Variants in CPLX2 observed in about 807,000 individuals in gnomAD.
CPLX2 encodes complexin-2.
CPLX2 carries 5 observed loss-of-function variants against 16.3 expected under a neutral mutation model. The observed-to-expected ratio is 0.31, with a 90% CI of 0.16 to 0.64. CPLX2 has a LOEUF of 0.64. Among genes scored for constraint, CPLX2 ranks in the 30% least tolerant of loss-of-function variants. The probability of loss-of-function intolerance (pLI) is 0.79; values close to 1 mark genes in which losing one functional copy is unlikely to be tolerated. For missense variants in CPLX2, 144 were observed against 181.4 expected, an observed-to-expected ratio of 0.79 and a Z score of 1.18; for synonymous variants, 89 against 73.2, an observed-to-expected ratio of 1.22 and a Z score of -1.10.
intron 1 of CPLX2, among the ~76,000 whole-genome samples, chr5:175,797,082 C>G (rs1338673701): frequency 6.6e-6 from 1 of 152,180 alleles, no homozygotes; most frequent in African/African-American, 2.4e-5. Context: ...CCTCCGCACC[C>G]TCCGCCCTGG....
chr5:175,796,922 G>C (rs951226144), intron 1 of CPLX2: 11 of 152,252 alleles, frequency 7.2e-5, no homozygotes, highest in African/African-American at 2.7e-4. Flanking sequence ...CCCCTCCCTG[G>C]AGCTCTCAGC....
chr5:175,857,542 C>T (rs554514558), intron 2 of CPLX2, among the ~76,000 whole-genome samples: 55 of 152,194 alleles, frequency 3.6e-4, no homozygotes, highest in Non-Finnish European at 2.9e-5. Flanking sequence ...CAGACACTTA[C>T]GTTAGCCCAG....
rs1755678757 is a variant in CPLX2, at chr5:175,883,572, CCCTGCTGTCCA to C, written c.*3534_*3544del. On this transcript the variant is annotated 3_prime_UTR_variant, in exon 4 of 4. Coordinates refer to ENST00000393745, the MANE Select transcript of CPLX2 (RefSeq NM_001008220.2). ...GTACCCAGCTGGCAGGGTTGCCCAC[CCCTGCTGTCCA>C]CCTGCTCCATCCTCTAGGGTTCCAC... 6.6e-6 allele frequency: 1 copy of C among 152,368 alleles called. No individual in the cohort carries two copies. The highest frequency in any genetic ancestry group is 1.5e-5 in the Non-Finnish European group (1 of 68,186). The allele number at this position is 152,368 out of a possible 1,614,324, so 9.4% of individuals were successfully genotyped here.
chr5:175,827,933 C>G (rs1261216172), intron 2 of CPLX2, among the ~76,000 whole-genome samples: 1 of 152,178 alleles, frequency 6.6e-6, no homozygotes, highest in Non-Finnish European at 1.5e-5. Context: ...GACTCTGCCC[C>G]CAAGGAGTTT....
At chr5:175,802,393 G>C (rs1026819051) in intron 1 of CPLX2, among the ~76,000 whole-genome samples, 1 of 152,214 alleles carries the variant, frequency 6.6e-6, no homozygotes, top group Non-Finnish European at 1.5e-5. Flanking sequence ...GTGCCTGGCA[G>C]ATGAAAACTG....
intron 1 of CPLX2, among the ~76,000 whole-genome samples, chr5:175,800,526 T>G (rs1229598119): frequency 6.6e-6 from 1 of 151,788 alleles, no homozygotes; most frequent in African/African-American, 2.4e-5. Flanking sequence ...GGAGTGTGAT[T>G]GCAGTCCAGA....
chr5:175,835,902 C>T (rs1758823730), intron 2 of CPLX2, among the ~76,000 whole-genome samples: 1 of 151,726 alleles, frequency 6.6e-6, no homozygotes, highest in South Asian at 2.1e-4. Context: ...TCACGCCTAG[C>T]TAAGTTTCAT....
intron 2 of CPLX2, among the ~76,000 whole-genome samples, chr5:175,865,444 C>T (rs1209115884): frequency 6.6e-6 from 1 of 152,104 alleles, no homozygotes; most frequent in Non-Finnish European, 1.5e-5. Flanking sequence ...TAGAGGCAGT[C>T]GTTCAAGGGA....
In CPLX2 at chr5:175,830,597, T is replaced by G. The variant is rs1758717652; in HGVS notation, c.-89+21529T>G. 2.0e-5 allele frequency among the ~76,000 whole-genome samples: 3 copies of G among 152,346 alleles called. No homozygotes were observed. In the South Asian group the frequency reaches 6.2e-4, roughly 32 times the overall value. On this transcript the variant is annotated intron_variant, in intron 2 of 4. Transcript: ENST00000359546. The surrounding 1 kb of genome is among the most constrained non-coding windows in gnomAD (Gnocchi z 4.0). The stretch of plus-strand genomic sequence containing the variant: ...CACTAACAAGGACTCTGGTGGTCTC[T>G]TCGAGGGACCCTCATACATAGCTCT...
intron 2 of CPLX2, among the ~76,000 whole-genome samples, chr5:175,860,646 C>G (rs1433852744): frequency 5.0e-5 from 5 of 99,064 alleles, no homozygotes; most frequent in Non-Finnish European, 1.1e-4. Context: ...AAGGAAGGGT[C>G]TCTTTCCTGT....
In CPLX2 at chr5:175,861,223, C is replaced by CA. The variant is rs112716775; in HGVS notation, c.-88-17423dup. Among the ~76,000 whole-genome samples the CA allele has an allele frequency of 2.0e-3, 309 of 152,248 alleles. 1 individual carries two copies. The highest frequency in any genetic ancestry group is 6.9e-3 in the African/African-American group (287 of 41,530). ...GAAATATTTGTTGACCATCCACAAT[C>CA]AAAAAAGCCTTGGGCTTGATGTTGG... On this transcript the variant is annotated intron_variant, in intron 2 of 4. Coordinates refer to the CPLX2 transcript ENST00000359546.
intron 2 of CPLX2, among the ~76,000 whole-genome samples, chr5:175,848,790 G>C (rs1759097730): frequency 1.3e-5 from 2 of 152,190 alleles, no homozygotes; most frequent in Admixed American, 6.5e-5. Flanking sequence ...GCCAGAATGT[G>C]AATACCAAGA....
chr5:175,856,222 G>A (rs1759255086), intron 2 of CPLX2, among the ~76,000 whole-genome samples: 1 of 152,182 alleles, frequency 6.6e-6, no homozygotes, highest in Non-Finnish European at 1.5e-5. Context: ...CTCATAAGGT[G>A]GTTGTGTGGC....
rs539693001 is a variant in CPLX2, at chr5:175,883,258, C to G, written c.*3213C>G. The G allele has an allele frequency of 2.0e-5, 3 of 152,392 alleles. No homozygotes were observed. Among genetic ancestry groups the G allele is most frequent in the Middle Eastern group, 3.3e-3 (1 of 300 alleles). The allele number at this position is 152,392 out of a possible 1,614,324, so 9.4% of individuals were successfully genotyped here. A position where few individuals can be genotyped will look rare whatever the true frequency, so the allele number is the denominator to read the frequency against. On this transcript the variant is annotated 3_prime_UTR_variant, in exon 4 of 4. Transcript: ENST00000393745. The stretch of plus-strand genomic sequence containing the variant: ...CGGCTGTGGATCGCCCTGGGCTGGG[C>G]ACCAGTGACAGGTCAGGATCTCCAA...
chr5:175,876,635 T>C lies in CPLX2; in HGVS notation c.-88-2017T>C, dbSNP rs543744582. The stretch of plus-strand genomic sequence containing the variant: ...GATCATCTGATCCAGGAGAGAGACG[T>C]GTCAGAATCACCCAGCAAGTTAGGG... On this transcript the variant is annotated intron_variant, in intron 1 of 3. Transcript: ENST00000393745. Among the ~76,000 whole-genome samples the C allele has an allele frequency of 4.6e-5, 7 of 152,250 alleles. No homozygotes were observed. The South Asian group carries it at 8.3e-4, about 18-fold the overall frequency.
Position 175,845,435 on chromosome 5 carries a change from T to C in CPLX2, c.-88-33217T>C, listed in dbSNP as rs1006172310. Among the ~76,000 whole-genome samples, 1 of 152,230 alleles carries C rather than the reference T, an allele frequency of 6.6e-6. No homozygotes were observed. Among genetic ancestry groups the C allele is most frequent in the African/African-American group, 2.4e-5 (1 of 41,448 alleles). ...TCCAAAGCACCACCAGGCTCTTTCC[T>C]GCCACAGGCCCTTTGCACCTGCTTT... On this transcript the variant is annotated intron_variant, in intron 2 of 4. Transcript: ENST00000359546. This position sits in a 1 kb window ranked among gnomAD's most constrained non-coding sequence, Gnocchi z 4.0.
At chr5:175,841,406 A>G (rs1215293487) in intron 2 of CPLX2, among the ~76,000 whole-genome samples, 1 of 148,838 alleles carries the variant, frequency 6.7e-6, no homozygotes, top group Non-Finnish European at 1.5e-5. Flanking sequence ...CCTGGGAGTC[A>G]CGCTTGTGAA....
intron 1 of CPLX2, among the ~76,000 whole-genome samples, chr5:175,873,394 A>C (rs1561791303): frequency 6.6e-6 from 1 of 152,016 alleles, no homozygotes. Context: ...CCCGGCACAC[A>C]CGTCCTCAGG....
chr5:175,816,699 G>A (rs905588505), intron 2 of CPLX2, among the ~76,000 whole-genome samples: 2 of 152,234 alleles, frequency 1.3e-5, no homozygotes, highest in African/African-American at 4.8e-5. Context: ...AACCAGAGGT[G>A]CTCGAGACAC....
Sources: allele counts gnomAD v4.1 joint callset (sites outside exome capture counted in the v4.1 genomes callset), GRCh38; gene constraint gnomAD v4.1.1; non-coding constraint Gnocchi (gnomAD v3.1); transcripts MANE v1.5; gene names NCBI Gene and HGNC (gene_info 2026-07-23, HGNC 2026-07-21).